CTNNA2: variants seen among roughly 807,000 people sequenced by gnomAD.
The protein encoded by CTNNA2 is catenin alpha-2.
In CTNNA2, 42 loss-of-function variants were observed where a neutral mutation model predicts 101.0. The ratio of observed to expected loss-of-function variants is 0.42; its 90% CI spans 0.32 to 0.54. The LOEUF (loss-of-function observed/expected upper bound fraction) is 0.54, where lower values mean the gene tolerates loss of function less well. Ranked by LOEUF, CTNNA2 falls within the 20% of genes least tolerant of loss-of-function variation. The pLI is 0.14. For synonymous variants in CTNNA2, 450 were observed against 456.4 expected, an observed-to-expected ratio of 0.99 and a Z score of 0.18; for missense variants, 871 against 1,223.1, an observed-to-expected ratio of 0.71 and a Z score of 4.29.
At chr2:80,039,378 T>A (rs1456129033) in intron 7 of CTNNA2, among the ~76,000 whole-genome samples, 2 of 152,176 alleles carry the variant, frequency 1.3e-5, no homozygotes, top group Non-Finnish European at 2.9e-5. Context: ...TCCGGGGAAA[T>A]GTGGAGCCCA....
At chr2:80,495,123 G>C (rs1184817072) in intron 9 of CTNNA2, among the ~76,000 whole-genome samples, 1 of 152,154 alleles carries the variant, frequency 6.6e-6, no homozygotes, top group Non-Finnish European at 1.5e-5. Flanking sequence ...AGGATAGTTG[G>C]TTTGCCAGGA....
rs532495187 is a variant in CTNNA2 at position 79,215,311 on chromosome 2, G to A, written c.-406+17235G>A. Among the ~76,000 whole-genome samples the A allele has an allele frequency of 4.4e-4, 67 of 152,308 alleles. No homozygotes were observed. In the East Asian group the frequency reaches 8.7e-3, roughly 20 times the overall value. ...CTGGGAGAGGCGGGCCTGGAGGAAC[G>A]CCTGGCCACTGCGGTTCAGGCGTTT... On this transcript the variant is annotated intron_variant, in intron 2 of 21. Coordinates refer to the CTNNA2 transcript ENST00000466387.
chr2:79,451,281 A>C (rs1030704087), intron 4 of CTNNA2, among the ~76,000 whole-genome samples: 12 of 152,146 alleles, frequency 7.9e-5, no homozygotes, highest in Admixed American at 2.0e-4. Flanking sequence ...CAAAACAAAA[A>C]TCTTACAGAT....
chr2:80,592,206 T>C (rs1001334428), intron 15 of CTNNA2, among the ~76,000 whole-genome samples: 2 of 152,132 alleles, frequency 1.3e-5, no homozygotes, highest in Admixed American at 1.3e-4. Flanking sequence ...TCAAAAATCA[T>C]ATAATCATTC....
intron 3 of CTNNA2, among the ~76,000 whole-genome samples, chr2:79,315,285 G>C (rs571235054): frequency 6.6e-6 from 1 of 152,256 alleles, no homozygotes; most frequent in East Asian, 1.9e-4. Context: ...TTCATTTAAA[G>C]TAAATAATTC....
chr2:80,175,956 G>A (rs1181435262), intron 7 of CTNNA2, among the ~76,000 whole-genome samples: 1 of 152,184 alleles, frequency 6.6e-6, no homozygotes, highest in Non-Finnish European at 1.5e-5. Context: ...ACATTCCTCT[G>A]CCTGCTTTTA....
At chr2:80,472,389 A>T (rs182259557) in intron 9 of CTNNA2, among the ~76,000 whole-genome samples, 7 of 152,256 alleles carry the variant, frequency 4.6e-5, no homozygotes. Flanking sequence ...GGTCGTGGAG[A>T]AGGTGCCACA....
chr2:80,315,550 A>G (rs1259520328), intron 7 of CTNNA2, among the ~76,000 whole-genome samples: 1 of 152,176 alleles, frequency 6.6e-6, no homozygotes, highest in Non-Finnish European at 1.5e-5. Flanking sequence ...CTCATCCTCC[A>G]GTAGGCTAGC....
At chr2:80,376,849 T>C (rs112798170) in intron 7 of CTNNA2, among the ~76,000 whole-genome samples, 142 of 152,350 alleles carry the variant, frequency 9.3e-4, no homozygotes, top group African/African-American at 3.3e-3. Context: ...CCACTCTTGA[T>C]GCTTGGGGGA....
At chr2:79,805,924 C>T (rs892477893) in intron 3 of CTNNA2, among the ~76,000 whole-genome samples, 1 of 145,562 alleles carries the variant, frequency 6.9e-6, no homozygotes, top group South Asian at 2.2e-4. Context: ...GGCGACAGAG[C>T]AAGACTGTGT....
At chr2:79,923,901 A>G (rs1381646189) in intron 7 of CTNNA2, among the ~76,000 whole-genome samples, 1 of 152,172 alleles carries the variant, frequency 6.6e-6, no homozygotes, top group Non-Finnish European at 1.5e-5. Flanking sequence ...GGAAAACAGA[A>G]TGAAAGTTCT....
intron 2 of CTNNA2, among the ~76,000 whole-genome samples, chr2:79,291,472 T>C (rs1445302173): frequency 6.6e-6 from 1 of 152,228 alleles, no homozygotes; most frequent in Non-Finnish European, 1.5e-5. Context: ...AATCATTACT[T>C]ATTTGGTATT....
chr2:80,380,203 A>AT (rs1381441249), intron 7 of CTNNA2, among the ~76,000 whole-genome samples: 3 of 151,370 alleles, frequency 2.0e-5, no homozygotes, highest in Admixed American at 1.3e-4. Context: ...TGCCCGGCTA[A>AT]TTTTTTGTAT....
intron 7 of CTNNA2, among the ~76,000 whole-genome samples, chr2:80,329,086 T>G (rs1481816192): frequency 6.6e-6 from 1 of 152,244 alleles, no homozygotes; most frequent in East Asian, 1.9e-4. Context: ...ACTTTTTGTA[T>G]AATATTTACT....
intron 7 of CTNNA2, among the ~76,000 whole-genome samples, chr2:80,190,752 T>C (rs1195332172): frequency 6.6e-6 from 1 of 152,204 alleles, no homozygotes; most frequent in Admixed American, 6.5e-5. Flanking sequence ...TACAGTCCCA[T>C]ATTAAACTCC....
intron 3 of CTNNA2, among the ~76,000 whole-genome samples, chr2:79,824,773 T>C (rs1402347711): frequency 2.0e-5 from 3 of 152,232 alleles, no homozygotes; most frequent in African/African-American, 7.2e-5. Context: ...GTGATACAGA[T>C]ATACCTTCTA....
chr2:80,247,793 A>G lies in CTNNA2; in HGVS notation c.1057-145418A>G, dbSNP rs1573504846. 2.0e-5 allele frequency among the ~76,000 whole-genome samples: 3 copies of G among 152,252 alleles called. No individual in the cohort carries two copies. The South Asian group carries it at 6.2e-4, about 32-fold the overall frequency. On this transcript the variant is annotated intron_variant, in intron 7 of 18. Coordinates refer to ENST00000402739, the MANE Select transcript of CTNNA2 (RefSeq NM_001282597.3). ...TAAGCATCTGTAACTTAGATTATGT[A>G]GGTGGATATCCAGGATTTAATAAGG... is the stretch of plus-strand genomic sequence containing the variant.
chr2:79,880,214 T>C (rs1683321157), intron 6 of CTNNA2, among the ~76,000 whole-genome samples: 1 of 152,136 alleles, frequency 6.6e-6, no homozygotes, highest in Admixed American at 6.6e-5. Context: ...CTGGATTTGG[T>C]TGGTCAGTAT....
intron 2 of CTNNA2, among the ~76,000 whole-genome samples, chr2:79,687,218 C>A (rs1242949533): frequency 1.3e-5 from 2 of 151,952 alleles, no homozygotes; most frequent in Non-Finnish European, 2.9e-5. Context: ...ATATGGTGAC[C>A]CTGGCTCACT....
Sources: allele counts gnomAD v4.1 joint callset (sites outside exome capture counted in the v4.1 genomes callset), GRCh38; gene constraint gnomAD v4.1.1; transcripts MANE v1.5; gene names NCBI Gene and HGNC (gene_info 2026-07-23, HGNC 2026-07-21).